MDGA2: variants seen among roughly 807,000 people sequenced by gnomAD.
MDGA2 encodes MAM domain containing glycosylphosphatidylinositol anchor 2.
A neutral mutation model predicts 117.8 loss-of-function variants in MDGA2; 40 were observed. The observed-to-expected ratio is 0.34, with a 90% confidence interval of 0.26 to 0.44. The LOEUF (loss-of-function observed/expected upper bound fraction) is 0.44, where lower values mean the gene tolerates loss of function less well. Among genes scored for constraint, MDGA2 ranks in the 20% least tolerant of loss-of-function variants. The probability of loss-of-function intolerance (pLI) is 1.00; values close to 1 mark genes in which losing one functional copy is unlikely to be tolerated. For synonymous variants in MDGA2, 452 were observed against 439.0 expected, an observed-to-expected ratio of 1.03 and a Z score of -0.37; for missense variants, 1,123 against 1,250.6, an observed-to-expected ratio of 0.90 and a Z score of 1.54.
At chr14:47,592,961 T>C (rs916980513) in intron 1 of MDGA2, among the ~76,000 whole-genome samples, 1 of 151,916 alleles carries the variant, frequency 6.6e-6, no homozygotes, top group African/African-American at 2.4e-5. Context: ...ATCTATACAG[T>C]GGGAGAAAAT....
At chr14:46,935,642 G>A (rs1884751598) in intron 9 of MDGA2, among the ~76,000 whole-genome samples, 1 of 152,040 alleles carries the variant, frequency 6.6e-6, no homozygotes, top group Non-Finnish European at 1.5e-5. Context: ...TTAACATTAG[G>A]TTTTCCTGCC....
chr14:46,929,284 A>C (rs772689717), intron 9 of MDGA2, among the ~76,000 whole-genome samples: 1 of 152,058 alleles, frequency 6.6e-6, no homozygotes, highest in African/African-American at 2.4e-5. Flanking sequence ...TCTAACTAGC[A>C]AAGTATAAAA....
intron 1 of MDGA2, among the ~76,000 whole-genome samples, chr14:47,581,590 C>T (rs980077090): frequency 2.6e-5 from 4 of 151,936 alleles, no homozygotes; most frequent in Non-Finnish European, 4.4e-5. Context: ...TGATTTTGGA[C>T]TTGGTCACAT....
intron 5 of MDGA2, among the ~76,000 whole-genome samples, chr14:47,110,163 T>TC (rs1392566622): frequency 3.7e-4 from 47 of 126,948 alleles, no homozygotes; most frequent in Middle Eastern, 3.9e-3. Flanking sequence ...AATGCACCAC[T>TC]CCCAAAAAAA....
At chr14:46,973,205 G>T (rs1204641383) in intron 8 of MDGA2, among the ~76,000 whole-genome samples, 2 of 152,026 alleles carry the variant, frequency 1.3e-5, no homozygotes, top group Non-Finnish European at 2.9e-5. Flanking sequence ...AAATATTTTG[G>T]CAGTTTCTTA....
intron 10 of MDGA2, among the ~76,000 whole-genome samples, chr14:46,900,437 G>T (rs1883241000): frequency 6.6e-6 from 1 of 152,076 alleles, no homozygotes; most frequent in Non-Finnish European, 1.5e-5. Flanking sequence ...ACTGCTAATA[G>T]CTAAAAACTT....
chr14:46,863,184 C>T (rs1881581709), intron 14 of MDGA2, among the ~76,000 whole-genome samples: 1 of 151,974 alleles, frequency 6.6e-6, no homozygotes, highest in South Asian at 2.1e-4. Flanking sequence ...ATAATTCCCT[C>T]TTTTGTAGGA....
At position 47,537,573 on chromosome 14, in the gene MDGA2, TTAAAA is replaced by T. The variant is rs1310816891; in HGVS notation, c.280+136939_280+136943del. ...ATTATCCACTGTTACCTTCTCTCTGTTAAAAAAAAAAAAAAAAAAAAAAAAAAAAA... is the reference window on the plus strand; with the variant it reads ...ATTATCCACTGTTACCTTCTCTCTGTAAAAAAAAAAAAAAAAAAAAAAAAA... On this transcript the variant is annotated intron_variant, in intron 1 of 16. Transcript: ENST00000399232. Among the ~76,000 whole-genome samples the T allele has an allele frequency of 1.1e-3, 60 of 57,102 alleles. 3 individuals are homozygous for T. The highest frequency in any genetic ancestry group is 3.1e-3 in the African/African-American group (53 of 17,180). The allele number at this position is 57,102 out of a possible 152,430, so 37.5% of individuals were successfully genotyped here.
At chr14:47,210,158 T>C (rs960919218) in intron 3 of MDGA2, among the ~76,000 whole-genome samples, 2 of 152,178 alleles carry the variant, frequency 1.3e-5, no homozygotes, top group Non-Finnish European at 2.9e-5. Context: ...GTTGAAAATG[T>C]AATAAATCTA....
At chr14:46,940,218 TC>T (rs1247600984) in intron 9 of MDGA2, among the ~76,000 whole-genome samples, 15 of 152,134 alleles carry the variant, frequency 9.9e-5, no homozygotes, top group Non-Finnish European at 1.8e-4. Context: ...ATTGACTAAA[TC>T]TCTAGAATAA....
At chr14:46,958,560 G>A (rs1211182185) in intron 8 of MDGA2, among the ~76,000 whole-genome samples, 1 of 152,170 alleles carries the variant, frequency 6.6e-6, no homozygotes, top group Non-Finnish European at 1.5e-5. Flanking sequence ...TTAAATCACT[G>A]GTGAAAGCCT....
chr14:46,944,596 C>A (rs138550473), intron 9 of MDGA2, among the ~76,000 whole-genome samples: 44 of 151,912 alleles, frequency 2.9e-4, no homozygotes, highest in African/African-American at 1.0e-3. Flanking sequence ...TTATATTGTG[C>A]CCCATGTTCT....
intron 2 of MDGA2, among the ~76,000 whole-genome samples, chr14:47,280,460 T>G (rs375606145): frequency 3.3e-4 from 50 of 152,236 alleles, no homozygotes; most frequent in African/African-American, 1.2e-3. Flanking sequence ...AGCAGGAAGT[T>G]ACTACATTCA....
At chr14:47,135,773 T>A (rs1037962168) in intron 4 of MDGA2, among the ~76,000 whole-genome samples, 3 of 152,146 alleles carry the variant, frequency 2.0e-5, no homozygotes, top group Non-Finnish European at 4.4e-5. Context: ...CTCTTCATTC[T>A]CATCAAATTA....
intron 1 of MDGA2, among the ~76,000 whole-genome samples, chr14:47,405,954 G>C (rs750612715): frequency 1.9e-4 from 29 of 152,052 alleles, no homozygotes; most frequent in Admixed American, 3.3e-4. Context: ...GATTATTTGA[G>C]TTTAAGCTTT....
intron 9 of MDGA2, among the ~76,000 whole-genome samples, chr14:46,933,831 T>C (rs1448272513): frequency 1.5e-5 from 1 of 66,648 alleles, no homozygotes; most frequent in Non-Finnish European, 3.3e-5. Context: ...TATATATATA[T>C]ATATATATAT....
intron 1 of MDGA2, among the ~76,000 whole-genome samples, chr14:47,352,289 A>T (rs1890900758): frequency 1.3e-5 from 2 of 152,242 alleles, no homozygotes; most frequent in Admixed American, 1.3e-4. Context: ...ATGAAAACAC[A>T]CGTGCTCTCC....
At chr14:47,322,200 A>G (rs912520235) in intron 1 of MDGA2, among the ~76,000 whole-genome samples, 2 of 152,178 alleles carry the variant, frequency 1.3e-5, no homozygotes, top group African/African-American at 2.4e-5. Context: ...CATATGTCAC[A>G]GAGCATACAT....
intron 8 of MDGA2, among the ~76,000 whole-genome samples, chr14:47,013,522 C>A (rs1408432326): frequency 1.3e-5 from 2 of 151,700 alleles, no homozygotes; most frequent in Non-Finnish European, 2.9e-5. Context: ...CTTCCAAACA[C>A]CTATTAATGT....
Sources: allele counts gnomAD v4.1 joint callset (sites outside exome capture counted in the v4.1 genomes callset), GRCh38; gene constraint gnomAD v4.1.1; transcripts MANE v1.5; gene names NCBI Gene and HGNC (gene_info 2026-07-23, HGNC 2026-07-21).